The following ERC2 variants were observed in gnomAD, a reference collection of about 807,000 sequenced individuals.
The protein encoded by ERC2 is ERC protein 2.
ERC2 carries 42 observed loss-of-function variants against 114.8 expected under a neutral mutation model. That is an observed-to-expected ratio of 0.37 (90% CI 0.29 to 0.47). The LOEUF is 0.47. ERC2 is among the 20% of genes least tolerant of loss of function. The pLI, the probability that ERC2 is intolerant of heterozygous loss-of-function variation, is 0.99. For synonymous variants in ERC2, 454 were observed against 425.5 expected, an observed-to-expected ratio of 1.07 and a Z score of -0.82; for missense variants, 939 against 1,150.7, an observed-to-expected ratio of 0.82 and a Z score of 2.66.
chr3:55,864,257 ATG>A lies in ERC2; in HGVS notation c.2564+24130_2564+24131del, dbSNP rs560391146. Among the ~76,000 whole-genome samples, 38 of 148,076 alleles carry A rather than the reference ATG, an allele frequency of 2.6e-4. No homozygotes were observed. In the East Asian group the frequency reaches 3.3e-3, roughly 13 times the overall value. On this transcript the variant is annotated intron_variant, in intron 14 of 17. Transcript: ENST00000288221. ...TGTGTGTGTGTATATATGTATATAT[ATG>A]TGTGTGTGTATGTGTGTGTTTATAT...
At chr3:55,971,173 A>G (rs2069128990) in intron 12 of ERC2, among the ~76,000 whole-genome samples, 1 of 152,134 alleles carries the variant, frequency 6.6e-6, no homozygotes. Flanking sequence ...GCTGGGGGAA[A>G]GAGGGAATAA....
chr3:56,371,413 T>C (rs1445181120), intron 2 of ERC2, among the ~76,000 whole-genome samples: 1 of 152,204 alleles, frequency 6.6e-6, no homozygotes, highest in East Asian at 1.9e-4. Flanking sequence ...GCTCCCCTTT[T>C]TGGATTGTAA....
At chr3:56,373,190 AT>A (rs1220491556) in intron 2 of ERC2, among the ~76,000 whole-genome samples, 1 of 152,210 alleles carries the variant, frequency 6.6e-6, no homozygotes, top group Non-Finnish European at 1.5e-5. Context: ...TTTTATCAGC[AT>A]TTTTCAGTCT....
At chr3:56,230,288 T>C (rs1020425313) in intron 3 of ERC2, among the ~76,000 whole-genome samples, 8 of 152,242 alleles carry the variant, frequency 5.3e-5, no homozygotes, top group Non-Finnish European at 1.0e-4. Context: ...ATAGCATCCA[T>C]CACACTATTG....
chr3:56,043,518 C>T (rs1163345465), intron 7 of ERC2, among the ~76,000 whole-genome samples: 1 of 150,956 alleles, frequency 6.6e-6, no homozygotes, highest in Non-Finnish European at 1.5e-5. Flanking sequence ...AAACACAAGA[C>T]ACTCAGAAAA....
chr3:55,844,604 A>G (rs1400458119), intron 14 of ERC2, among the ~76,000 whole-genome samples: 2 of 152,214 alleles, frequency 1.3e-5, no homozygotes, highest in African/African-American at 4.8e-5. Context: ...TAATCTAGAC[A>G]TTAGTTACAT....
At chr3:56,367,387 C>T (rs749115296) in intron 2 of ERC2, among the ~76,000 whole-genome samples, 2 of 152,028 alleles carry the variant, frequency 1.3e-5, no homozygotes, top group African/African-American at 2.4e-5. Flanking sequence ...AGTAAATTCT[C>T]CCCCGCCTTG....
chr3:56,100,358 CCTCTGATGACCA>C (rs2078286627), intron 6 of ERC2, among the ~76,000 whole-genome samples: 1 of 152,068 alleles, frequency 6.6e-6, no homozygotes. Flanking sequence ...TTACCAATGC[CCTCTGATGACCA>C]CTAAGCAAGC....
chr3:56,133,079 C>G lies in ERC2; in HGVS notation c.1473+6430G>C, dbSNP rs111952577. On this transcript the variant is annotated intron_variant, in intron 6 of 17. Transcript: ENST00000288221. ...GTCAGAGTTATGCCTAGAAAGCATT[C>G]TTGAAAATTCCGTGAACTCACCTGT... 3.6e-3 allele frequency among the ~76,000 whole-genome samples: 545 copies of G among 152,278 alleles called. 5 individuals carry two copies. Among genetic ancestry groups the G allele is most frequent in the African/African-American group, 0.012 (507 of 41,560 alleles).
chr3:56,250,965 C>T (rs1459498987), intron 3 of ERC2, among the ~76,000 whole-genome samples: 1 of 152,168 alleles, frequency 6.6e-6, no homozygotes, highest in Non-Finnish European at 1.5e-5. Context: ...AAGAGCCAAT[C>T]AAAAATTTAC....
chr3:55,948,321 A>G (rs2067262324), intron 13 of ERC2, among the ~76,000 whole-genome samples: 1 of 152,242 alleles, frequency 6.6e-6, no homozygotes, highest in South Asian at 2.1e-4. Flanking sequence ...ACAGGTGCCA[A>G]TGCCACAACC....
At chr3:55,926,995 A>G (rs2149394549) in intron 13 of ERC2, among the ~76,000 whole-genome samples, 1 of 152,300 alleles carries the variant, frequency 6.6e-6, no homozygotes. Context: ...TAGCAATGCC[A>G]GAAATAAAAT....
intron 2 of ERC2, among the ~76,000 whole-genome samples, chr3:56,331,705 C>G (rs2057623551): frequency 6.6e-6 from 1 of 152,158 alleles, no homozygotes; most frequent in South Asian, 2.1e-4. Context: ...GGAAATATAA[C>G]TGGTGGGTGC....
intron 17 of ERC2, among the ~76,000 whole-genome samples, chr3:55,570,950 A>G (rs2056672584): frequency 6.6e-6 from 1 of 151,814 alleles, no homozygotes; most frequent in Admixed American, 6.6e-5. Context: ...ACATGGGGAA[A>G]CCCTGTCTCT....
At chr3:56,344,925 C>A (rs2058247170) in intron 2 of ERC2, among the ~76,000 whole-genome samples, 1 of 152,170 alleles carries the variant, frequency 6.6e-6, no homozygotes, top group Admixed American at 6.5e-5. Context: ...CAATGAAAAC[C>A]AATGTACCAG....
intron 3 of ERC2, among the ~76,000 whole-genome samples, chr3:56,185,400 T>C (rs1054328963): frequency 2.6e-5 from 4 of 152,192 alleles, no homozygotes; most frequent in Admixed American, 2.0e-4. Context: ...CCATTATCTA[T>C]TGAGAGCAGA....
chr3:56,389,247 G>A (rs1361621916), intron 2 of ERC2, among the ~76,000 whole-genome samples: 2 of 152,124 alleles, frequency 1.3e-5, no homozygotes. Flanking sequence ...AACAAATGCT[G>A]GAGAAATCGT....
intron 6 of ERC2, among the ~76,000 whole-genome samples, chr3:56,118,811 T>C (rs1476074810): frequency 6.6e-6 from 1 of 152,074 alleles, no homozygotes; most frequent in African/African-American, 2.4e-5. Context: ...TAATTTTTTG[T>C]ATTTTTAGTA....
chr3:55,558,092 G>T (rs1290118770), intron 17 of ERC2, among the ~76,000 whole-genome samples: 2 of 152,192 alleles, frequency 1.3e-5, no homozygotes, highest in Non-Finnish European at 2.9e-5. Flanking sequence ...AACACTGAAT[G>T]AACATGAGCT....
Sources: gnomAD v4.1 joint callset for allele counts (sites outside exome capture counted in the v4.1 genomes callset) on GRCh38, gnomAD v4.1.1 for gene constraint, MANE v1.5 for transcripts, NCBI Gene and HGNC (gene_info 2026-07-23, HGNC 2026-07-21) for gene names.